The following SULF1 variants were observed in gnomAD, a reference collection of about 807,000 sequenced individuals.
The protein encoded by SULF1 is sulfatase 1.
SULF1 carries 46 observed loss-of-function variants against 110.5 expected under a neutral mutation model. The ratio of observed to expected loss-of-function variants is 0.42; its 90% confidence interval spans 0.33 to 0.53. The LOEUF (loss-of-function observed/expected upper bound fraction) is 0.53, where lower values mean the gene tolerates loss of function less well. SULF1 is among the 20% of genes least tolerant of loss of function. SULF1 has a pLI of 0.12. For synonymous variants in SULF1, 371 were observed against 387.1 expected (o/e 0.96, Z 0.49); for missense variants, 941 against 1,094.2 (o/e 0.86, Z 1.98).
At chr8:69,641,517 G>T (rs1362843757) in intron 22 of SULF1, among the ~76,000 whole-genome samples, 2 of 152,058 alleles carry the variant, frequency 1.3e-5, no homozygotes, top group African/African-American at 4.8e-5. Flanking sequence ...AGCCCAAGCG[G>T]GAGGATTGCT....
intron 19 of SULF1, among the ~76,000 whole-genome samples, chr8:69,630,652 AG>A (rs1165793969): frequency 1.3e-5 from 2 of 152,182 alleles, no homozygotes; most frequent in Non-Finnish European, 1.5e-5. Flanking sequence ...GGAATCCCTG[AG>A]GGTTATTCAG....
At chr8:69,470,136 C>A (rs1000784352) in intron 1 of SULF1, among the ~76,000 whole-genome samples, 1 of 152,140 alleles carries the variant, frequency 6.6e-6, no homozygotes, top group South Asian at 2.1e-4. Context: ...TGAGGCCAAC[C>A]AAAGAGTCAG....
chr8:69,534,006 C>T (rs77110871), intron 3 of SULF1, among the ~76,000 whole-genome samples: 1 of 152,034 alleles, frequency 6.6e-6, no homozygotes, highest in Admixed American at 6.6e-5. Flanking sequence ...GAGTTTTATT[C>T]TTAGCAGTTA....
chr8:69,627,085 G>T, intron 15 of SULF1, 125 bp from the exon 16 acceptor site: 1 of 701,392 alleles, frequency 1.4e-6, no homozygotes. Flanking sequence ...TCTTGGATCA[G>T]CTCAACGGTT....
chr8:69,603,849 A>G (rs1376475468), intron 12 of SULF1, among the ~76,000 whole-genome samples, 193 bp downstream of exon 12: 3 of 152,228 alleles, frequency 2.0e-5, no homozygotes, highest in Non-Finnish European at 4.4e-5. Context: ...AATTGTAAAG[A>G]ATAACCCTCA....
chr8:69,626,528 G>T (rs1810047058), intron 15 of SULF1, among the ~76,000 whole-genome samples: 1 of 152,244 alleles, frequency 6.6e-6, no homozygotes, highest in Non-Finnish European at 1.5e-5. Flanking sequence ...GAGCCATAGA[G>T]CAGGGGGTGG....
rs940846205 is a variant in SULF1, at chr8:69,493,123, T to C, written c.-393T>C. On this transcript the variant is annotated splice_region_variant and 5_prime_UTR_variant, in exon 1 of 23. Coordinates refer to ENST00000402687, the MANE Select transcript of SULF1 (RefSeq NM_001128205.2). ...TCTAGAGAAGATTTTGAAGGCGGCT[T>C]TTGTAAGTATCGTGCTCTGCTTTTA... 1.3e-5 allele frequency: 2 copies of C among 152,638 alleles called. No individual in the cohort carries two copies. Among genetic ancestry groups the C allele is most frequent in the Non-Finnish European group, 2.9e-5 (2 of 68,030 alleles). The allele number at this position is 152,638 out of a possible 1,614,324, so 9.5% of individuals were successfully genotyped here. A position where few individuals can be genotyped will look rare whatever the true frequency, so the allele number is the denominator to read the frequency against.
chr8:69,529,430 A>G (rs896939123), intron 3 of SULF1, among the ~76,000 whole-genome samples: 1 of 152,186 alleles, frequency 6.6e-6, no homozygotes, highest in African/African-American at 2.4e-5. Context: ...GTTGTTTATG[A>G]CATTGCTCTT....
At chr8:69,533,167 GA>G (rs2150647505) in intron 3 of SULF1, among the ~76,000 whole-genome samples, 1 of 152,298 alleles carries the variant, frequency 6.6e-6, no homozygotes, top group South Asian at 2.1e-4. Context: ...TTGGGCAGTG[GA>G]AAATGGTAAA....
chr8:69,481,926 A>C (rs754604733), intron 1 of SULF1, among the ~76,000 whole-genome samples: 1 of 152,188 alleles, frequency 6.6e-6, no homozygotes, highest in Non-Finnish European at 1.5e-5. Flanking sequence ...TGCCATTTTC[A>C]CTACTCAAAG....
chr8:69,643,517 C>G lies in SULF1; in HGVS notation c.2585+2676C>G, dbSNP rs1383663264. On this transcript the variant is annotated intron_variant, in intron 22 of 22. Transcript: ENST00000402687. ...AAGAATTTGAAATTTGAAAATTCAG[C>G]AGAGCATTTTTTTAAATGTATCTTG... 7.9e-5 allele frequency among the ~76,000 whole-genome samples: 12 copies of G among 151,922 alleles called. No homozygotes were observed. In the East Asian group the frequency reaches 2.3e-3, roughly 29 times the overall value.
chr8:69,554,415 C>A (rs1814940804), intron 3 of SULF1, among the ~76,000 whole-genome samples: 1 of 152,092 alleles, frequency 6.6e-6, no homozygotes. Context: ...TAATGTGGCT[C>A]TTAAAATTTT....
chr8:69,496,834 G>A (rs747164927), intron 2 of SULF1, among the ~76,000 whole-genome samples: 1 of 152,198 alleles, frequency 6.6e-6, no homozygotes, highest in Non-Finnish European at 1.5e-5. Flanking sequence ...TGGATAGTTC[G>A]CAGCTGTGAA....
intron 13 of SULF1, among the ~76,000 whole-genome samples, chr8:69,608,081 G>A (rs534161807): frequency 6.6e-6 from 1 of 152,320 alleles, no homozygotes; most frequent in South Asian, 2.1e-4. Flanking sequence ...GTTTGGTGGA[G>A]TCAATGTGGG....
intron 3 of SULF1, among the ~76,000 whole-genome samples, chr8:69,538,472 C>T (rs1462987111): frequency 6.6e-6 from 1 of 152,124 alleles, no homozygotes; most frequent in African/African-American, 2.4e-5. Flanking sequence ...GAGATACCAG[C>T]CTCCAGGAGT....
chr8:69,572,503 AC>A (rs1438069382), intron 5 of SULF1, among the ~76,000 whole-genome samples: 1 of 152,116 alleles, frequency 6.6e-6, no homozygotes, highest in Non-Finnish European at 1.5e-5. Flanking sequence ...TCTACAATAT[AC>A]CTTATAGTCT....
chr8:69,503,743 A>G (rs921727302), intron 3 of SULF1, among the ~76,000 whole-genome samples: 1 of 152,176 alleles, frequency 6.6e-6, no homozygotes, highest in African/African-American at 2.4e-5. Context: ...CTGATTTCTC[A>G]AAGTATCTTT....
rs955893312 is a variant in SULF1 at position 69,505,238 on chromosome 8, G to T, written c.-134+3270G>T. ...TCACAGCTTGGGGGAGATTTTGAGGGTTCTCATCAAAAATGTTTACACCTA... is the reference window on the plus strand; with the variant it reads ...TCACAGCTTGGGGGAGATTTTGAGGTTTCTCATCAAAAATGTTTACACCTA... On this transcript the variant is annotated intron_variant, in intron 3 of 22. Transcript: ENST00000402687. Among the ~76,000 whole-genome samples the T allele has an allele frequency of 2.6e-5, 4 of 152,228 alleles. No homozygotes were observed. In the South Asian group the frequency reaches 8.3e-4, roughly 32 times the overall value.
At chr8:69,535,593 A>G (rs1259991627) in intron 3 of SULF1, among the ~76,000 whole-genome samples, 1 of 152,176 alleles carries the variant, frequency 6.6e-6, no homozygotes, top group Non-Finnish European at 1.5e-5. Context: ...TTAGGATGTA[A>G]GGAGTAAAGC....
Sources: allele counts gnomAD v4.1 joint callset (sites outside exome capture counted in the v4.1 genomes callset), GRCh38; gene constraint gnomAD v4.1.1; transcripts MANE v1.5; gene names NCBI Gene and HGNC (gene_info 2026-07-23, HGNC 2026-07-21).